Variants in CSMD3 observed in about 807,000 individuals in gnomAD.
CSMD3 encodes the protein CUB and Sushi multiple domains 3.
A neutral mutation model predicts 435.2 loss-of-function variants in CSMD3; 177 were observed. That is an observed-to-expected ratio of 0.41 (90% CI 0.36 to 0.46). The LOEUF is 0.46. CSMD3 is among the 20% of genes least tolerant of loss of function. The pLI, the probability that CSMD3 is intolerant of heterozygous loss-of-function variation, is 0.34. For missense variants in CSMD3, 4,265 were observed against 4,504.6 expected, an observed-to-expected ratio of 0.95 and a Z score of 1.52; for synonymous variants, 1,656 against 1,520.5, an observed-to-expected ratio of 1.09 and a Z score of -2.07.
chr8:113,378,762 A>AGTGTGTGTGT (rs5894145), intron 1 of CSMD3, among the ~76,000 whole-genome samples: 21,168 of 148,136 alleles, frequency 0.14, 1,478 homozygotes, highest in Non-Finnish European at 0.15. Context: ...GTCACACTGA[A>AGTGTGTGTGT]GTGTGTGTGT....
At chr8:112,366,700 G>A (rs1177755172) in intron 38 of CSMD3, among the ~76,000 whole-genome samples, 2 of 151,978 alleles carry the variant, frequency 1.3e-5, no homozygotes, top group Admixed American at 1.3e-4. Context: ...ACCCAGCCAG[G>A]CATTCACCTT....
intron 28 of CSMD3, among the ~76,000 whole-genome samples, chr8:112,511,893 A>G (rs1262371660): frequency 1.3e-5 from 2 of 152,158 alleles, no homozygotes; most frequent in Non-Finnish European, 2.9e-5. Context: ...CAGCATCTTT[A>G]CCAGAAGTGG....
intron 54 of CSMD3, 135 bp from the exon 55 acceptor site, chr8:112,292,845 C>T (rs891713074): frequency 5.1e-5 from 39 of 770,096 alleles, no homozygotes; most frequent in East Asian, 4.8e-4. Flanking sequence ...TGGAAATATA[C>T]GGAAAGTACA....
At chr8:113,388,262 T>C (rs1259170909) in intron 1 of CSMD3, among the ~76,000 whole-genome samples, 4 of 151,648 alleles carry the variant, frequency 2.6e-5, no homozygotes, top group African/African-American at 9.6e-5. Context: ...TGAAAAATAG[T>C]ATCAGCATGA....
At chr8:113,041,569 G>T (rs2068985) in intron 5 of CSMD3, among the ~76,000 whole-genome samples, 8 of 151,934 alleles carry the variant, frequency 5.3e-5, no homozygotes, top group African/African-American at 1.2e-4. Context: ...CCAATCTAAA[G>T]GGATTTGGAA....
At chr8:112,512,141 T>C (rs1823209633) in intron 28 of CSMD3, among the ~76,000 whole-genome samples, 1 of 152,216 alleles carries the variant, frequency 6.6e-6, no homozygotes, top group Non-Finnish European at 1.5e-5. Context: ...CCTGATAATA[T>C]TGATATTTCT....
At chr8:112,575,890 T>A (rs1258243427) in intron 23 of CSMD3, among the ~76,000 whole-genome samples, 1 of 152,102 alleles carries the variant, frequency 6.6e-6, no homozygotes, top group Non-Finnish European at 1.5e-5. Flanking sequence ...AATAAATTCT[T>A]TGTTTAGAGC....
At chr8:112,755,313 G>A (rs1320227627) in intron 13 of CSMD3, among the ~76,000 whole-genome samples, 2 of 147,828 alleles carry the variant, frequency 1.4e-5, no homozygotes, top group African/African-American at 2.5e-5. Flanking sequence ...CCTGGGCGAC[G>A]GAGGGAGACT....
intron 62 of CSMD3, 132 bp downstream of exon 62, chr8:112,255,122 C>A: frequency 1.5e-6 from 1 of 684,262 alleles, no homozygotes. Context: ...CCAGTGCCTT[C>A]TAATTGCTTC....
At chr8:112,282,740 G>A (rs945268940) in intron 58 of CSMD3, among the ~76,000 whole-genome samples, 1 of 151,998 alleles carries the variant, frequency 6.6e-6, no homozygotes, top group Non-Finnish European at 1.5e-5. Flanking sequence ...AATGAAACAA[G>A]GTAAGTGCGT....
chr8:113,385,335 A>G (rs1048978284), intron 1 of CSMD3, among the ~76,000 whole-genome samples: 3 of 152,102 alleles, frequency 2.0e-5, no homozygotes, highest in Non-Finnish European at 4.4e-5. Flanking sequence ...AAAAACCACA[A>G]TCATTCACAA....
intron 2 of CSMD3, among the ~76,000 whole-genome samples, chr8:113,302,036 G>C (rs2093772837): frequency 6.6e-6 from 1 of 150,734 alleles, no homozygotes; most frequent in Non-Finnish European, 1.5e-5. Flanking sequence ...TGATTTTATG[G>C]TTGCCTGGCT....
chr8:112,821,524 A>C (rs561993621), intron 12 of CSMD3, among the ~76,000 whole-genome samples: 39 of 151,830 alleles, frequency 2.6e-4, no homozygotes, highest in African/African-American at 8.9e-4. Context: ...AAACTTTTTT[A>C]AGTTCCTTGT....
chr8:113,121,980 C>T (rs1234059349), intron 4 of CSMD3, among the ~76,000 whole-genome samples: 3 of 151,880 alleles, frequency 2.0e-5, no homozygotes, highest in Admixed American at 6.6e-5. Flanking sequence ...AAAAAGGTAC[C>T]CCTTTACGTA....
chr8:113,305,179 A>T (rs914040614), intron 2 of CSMD3, among the ~76,000 whole-genome samples: 1 of 149,776 alleles, frequency 6.7e-6, no homozygotes, highest in Non-Finnish European at 1.5e-5. Context: ...GAGGGATAGC[A>T]TTGGGAGATA....
intron 69 of CSMD3, among the ~76,000 whole-genome samples, chr8:112,229,205 G>C (rs1161859361): frequency 6.6e-6 from 1 of 152,138 alleles, no homozygotes; most frequent in Non-Finnish European, 1.5e-5. Flanking sequence ...TGGTCAATGT[G>C]CTTTAGAAAG....
intron 17 of CSMD3, among the ~76,000 whole-genome samples, chr8:112,665,206 CT>C (rs976440329): frequency 1.3e-5 from 2 of 152,184 alleles, no homozygotes; most frequent in East Asian, 1.9e-4. Flanking sequence ...ATGTCACTTC[CT>C]TTTTTTGTCT....
intron 10 of CSMD3, among the ~76,000 whole-genome samples, chr8:112,910,441 C>T (rs568999427): frequency 6.6e-6 from 1 of 151,750 alleles, no homozygotes; most frequent in Non-Finnish European, 1.5e-5. Context: ...GAGAATGATG[C>T]CTTCTTCCAT....
At chr8:112,362,577 T>C (rs1231634116) in intron 38 of CSMD3, among the ~76,000 whole-genome samples, 1 of 152,014 alleles carries the variant, frequency 6.6e-6, no homozygotes, top group African/African-American at 2.4e-5. Context: ...GAGTACCTAT[T>C]GCGTGCTCTG....
Sources: gnomAD v4.1 joint callset for allele counts (sites outside exome capture counted in the v4.1 genomes callset) on GRCh38, gnomAD v4.1.1 for gene constraint, MANE v1.5 for transcripts, NCBI Gene and HGNC (gene_info 2026-07-23, HGNC 2026-07-21) for gene names.